Variants in MINAR1 observed in about 807,000 individuals in gnomAD.
MINAR1 encodes major intrinsically disordered Notch2-binding receptor 1.
MINAR1 carries 40 observed loss-of-function variants against 65.1 expected under a neutral mutation model. That is an observed-to-expected ratio of 0.61 (90% CI 0.48 to 0.80). MINAR1 has a LOEUF of 0.80. Among genes scored for constraint, MINAR1 ranks in the 30% least tolerant of loss-of-function variants. The pLI is 0.00. For synonymous variants in MINAR1, 482 were observed against 449.1 expected (o/e 1.07, Z -0.93); for missense variants, 1,128 against 1,148.0 (o/e 0.98, Z 0.25).
chr15:79,443,529 C>T (rs1372604926), intron 1 of MINAR1, among the ~76,000 whole-genome samples: 2 of 152,144 alleles, frequency 1.3e-5, no homozygotes, highest in African/African-American at 4.8e-5. Flanking sequence ...TAGATTTTTG[C>T]ATTCTCCTTT....
At chr15:79,428,640 T>C (rs1226103981), upstream of MINAR1, among the ~76,000 whole-genome samples, 1 of 152,118 alleles carries the variant, frequency 6.6e-6, no homozygotes. Context: ...CCAAAAACTC[T>C]ATGAAATCTC....
At chr15:79,461,748 G>C (rs1162827478) in intron 2 of MINAR1, among the ~76,000 whole-genome samples, 3 of 152,086 alleles carry the variant, frequency 2.0e-5, no homozygotes, top group Non-Finnish European at 4.4e-5. Flanking sequence ...TGCAGGTGTA[G>C]GACCCACACA....
At position 79,468,596 on chromosome 15, in the gene MINAR1, C is replaced by T. The variant is rs537945284; in HGVS notation, c.*212C>T. 1.8e-6 allele frequency: 1 copy of T among 555,992 alleles called. No homozygotes were observed. Among genetic ancestry groups the T allele is most frequent in the Admixed American group, 3.4e-5 (1 of 29,322 alleles). 34.4% of individuals were successfully genotyped at this position (555,992 alleles called of 1,614,324 possible). A position where few individuals can be genotyped will look rare whatever the true frequency, so the allele number is the denominator to read the frequency against. ...GCTTTGACTCAATTACACTCTGACG[C>T]ATTTTTAGAAGTGCAATATCTTTTC... On this transcript the variant is annotated 3_prime_UTR_variant, in exon 4 of 4. Coordinates refer to ENST00000305428, the MANE Select transcript of MINAR1 (RefSeq NM_015206.3).
chr15:79,446,941 C>G (rs1370135253), intron 1 of MINAR1, among the ~76,000 whole-genome samples: 2 of 152,148 alleles, frequency 1.3e-5, no homozygotes, highest in Admixed American at 6.5e-5. Flanking sequence ...GGCTAGAGTG[C>G]TGTGATGCAG....
At chr15:79,465,336 G>A (rs1367153269) in intron 3 of MINAR1, among the ~76,000 whole-genome samples, 3 of 152,110 alleles carry the variant, frequency 2.0e-5, no homozygotes, top group Non-Finnish European at 4.4e-5. Context: ...TCTTCCCGGA[G>A]TTCCTTTGTG....
chr15:79,463,991 C>G (rs1380903705), intron 3 of MINAR1, among the ~76,000 whole-genome samples: 5 of 152,210 alleles, frequency 3.3e-5, no homozygotes, highest in African/African-American at 1.2e-4. Flanking sequence ...GCCATAGCAC[C>G]AGGAGTGCCC....
intron 2 of MINAR1, among the ~76,000 whole-genome samples, chr15:79,459,046 AAC>A (rs1895545930): frequency 6.6e-6 from 1 of 152,120 alleles, no homozygotes; most frequent in Admixed American, 6.5e-5. Flanking sequence ...CAGGTGTGGT[AAC>A]ACAAGCCTGT....
At chr15:79,430,507 C>G (rs1894412455), upstream of MINAR1, among the ~76,000 whole-genome samples, 1 of 152,134 alleles carries the variant, frequency 6.6e-6, no homozygotes, top group South Asian at 2.1e-4. Context: ...AATGAGGCCC[C>G]CAAACAGTCT....
At chr15:79,448,298 C>T (rs937299203) in intron 1 of MINAR1, among the ~76,000 whole-genome samples, 11 of 152,200 alleles carry the variant, frequency 7.2e-5, no homozygotes, top group African/African-American at 2.7e-4. Context: ...AGAAGTGTAA[C>T]CCCTTCCCAA....
the MINAR1 span, chr15:79,424,639 T>G: frequency 6.6e-6 from 1 of 152,220 alleles, no homozygotes; most frequent in East Asian, 1.9e-4. Flanking sequence ...TATAAACATG[T>G]GCTGAGCACC....
upstream of MINAR1, among the ~76,000 whole-genome samples, chr15:79,427,742 T>C (rs939536527): frequency 6.6e-6 from 1 of 152,220 alleles, no homozygotes; most frequent in Non-Finnish European, 1.5e-5. Flanking sequence ...ATGACATATA[T>C]CCTTTTAAGT....
At chr15:79,412,219 C>G in the MINAR1 span, 1 of 152,360 alleles carries the variant, frequency 6.6e-6, no homozygotes, top group African/African-American at 2.4e-5. Flanking sequence ...CCATCCCCCC[C>G]AATCACTGCT....
At chr15:79,434,637 A>G (rs1894543901) in intron 1 of MINAR1, among the ~76,000 whole-genome samples, 1 of 152,246 alleles carries the variant, frequency 6.6e-6, no homozygotes, top group Non-Finnish European at 1.5e-5. Context: ...ACTAGCTAGG[A>G]AAAGGTTCTA....
upstream of MINAR1, among the ~76,000 whole-genome samples, chr15:79,430,194 T>C (rs1484488248): frequency 6.6e-6 from 1 of 152,148 alleles, no homozygotes; most frequent in Non-Finnish European, 1.5e-5. Context: ...AAAGGGTTAT[T>C]TCAGAAAGAA....
intron 2 of MINAR1, among the ~76,000 whole-genome samples, chr15:79,462,830 A>G (rs1895696495): frequency 6.6e-6 from 1 of 152,238 alleles, no homozygotes; most frequent in Admixed American, 6.5e-5. Flanking sequence ...TAAAGATTAC[A>G]TTAAATAACC....
At chr15:79,462,734 C>G (rs567522848) in intron 2 of MINAR1, among the ~76,000 whole-genome samples, 15 of 152,356 alleles carry the variant, frequency 9.8e-5, no homozygotes, top group African/African-American at 3.6e-4. Context: ...CCACCCCTTA[C>G]TAGCTGTGTG....
intron 2 of MINAR1, among the ~76,000 whole-genome samples, chr15:79,461,085 C>T (rs1042640734): frequency 1.3e-5 from 2 of 152,166 alleles, no homozygotes; most frequent in African/African-American, 4.8e-5. Flanking sequence ...GCCCTTAATC[C>T]CGTTTGTTCA....
Position 79,456,892 on chromosome 15 carries a change from G to T in MINAR1, c.745G>T (p.Val249Leu). 2 of 1,614,140 alleles carry T rather than the reference G, an allele frequency of 1.2e-6. No homozygotes were observed. Among genetic ancestry groups the T allele is most frequent in the Non-Finnish European group, 1.7e-6 (2 of 1,180,038 alleles). The change falls in exon 2 of 4, where the codon GTG (valine) becomes TTG (leucine). Residue 249 changes from valine to leucine, a missense_variant. By Grantham distance (32) the Val-to-Leu change is conservative (BLOSUM62 1). Coordinates refer to ENST00000305428, the MANE Select transcript of MINAR1 (RefSeq NM_015206.3). ...ETFISNEEPF[V>L]VQSCVQKRNI... is the part of the protein sequence containing the mutation. Reference sequence around the variant, plus strand: ...CTTCATTTCCAATGAGGAGCCATTTGTGGTCCAGTCCTGTGTCCAGAAAAG... The same window carrying T: ...CTTCATTTCCAATGAGGAGCCATTTTTGGTCCAGTCCTGTGTCCAGAAAAG...
intron 1 of MINAR1, among the ~76,000 whole-genome samples, chr15:79,450,589 C>G (rs1895159599): frequency 6.6e-6 from 1 of 151,608 alleles, no homozygotes; most frequent in Non-Finnish European, 1.5e-5. Context: ...TTATTCCCCT[C>G]TGAGGTCATG....
Sources: gnomAD v4.1 joint callset for allele counts (sites outside exome capture counted in the v4.1 genomes callset) on GRCh38, gnomAD v4.1.1 for gene constraint, MANE v1.5 for transcripts, NCBI Gene and HGNC (gene_info 2026-07-23, HGNC 2026-07-21) for gene names.